Variants in CEP41 observed in about 807,000 individuals in gnomAD.
CEP41 encodes the protein centrosomal protein 41.
CEP41 carries 32 observed loss-of-function variants against 44.3 expected under a neutral mutation model. That is an observed-to-expected ratio of 0.72 (90% CI 0.54 to 0.97). CEP41 has a LOEUF of 0.97. Among genes scored for constraint, CEP41 ranks in the 50% least tolerant of loss-of-function variants. The probability of loss-of-function intolerance (pLI) is 0.00; values close to 1 mark genes in which losing one functional copy is unlikely to be tolerated. For synonymous variants in CEP41, 151 were observed against 168.5 expected (o/e 0.90, Z 0.80); for missense variants, 432 against 455.2 (o/e 0.95, Z 0.46).
chr7:130,441,360 A>G (rs1798164046), upstream of CEP41: 1 of 383,914 alleles, frequency 2.6e-6, no homozygotes, highest in Non-Finnish European at 5.0e-6. Flanking sequence ...CCATAAATAC[A>G]ACACAAGACT....
chr7:130,395,440 C>T lies in CEP41; in HGVS notation c.*3451G>A, dbSNP rs144534675. ...AAACACACATTAAAGACACTGAGAA[C>T]GTTTTAGAACTGGAGAAAGAAAGGT... On this transcript the variant is annotated 3_prime_UTR_variant, in exon 11 of 11. Transcript: ENST00000223208. The T allele has an allele frequency of 5.5e-5, 25 of 453,992 alleles. No homozygotes were observed. The highest frequency in any genetic ancestry group is 3.5e-4 in the Admixed American group (15 of 42,578). 28.1% of individuals were successfully genotyped at this position (453,992 alleles called of 1,614,324 possible).
rs369687508 is a variant in CEP41, at chr7:130,404,678, G to A, written c.308C>T (p.Ala103Val). 10 of 1,612,092 alleles carry A rather than the reference G, an allele frequency of 6.2e-6. No individual in the cohort carries two copies. Among genetic ancestry groups the A allele is most frequent in the Non-Finnish European group, 7.6e-6 (9 of 1,178,282 alleles). The change falls in exon 6 of 11, where the codon GCT (alanine) becomes GTT (valine). Residue 103 changes from alanine (A) to valine (V), a missense_variant. Physicochemically the swap from Ala to Val is moderately conservative, Grantham distance 64. Transcript: ENST00000223208. ...DNDSAASDPDAETTARTNGKG... is the reference protein window; with the variant it reads ...DNDSAASDPDVETTARTNGKG... Reference sequence around the variant, plus strand: ...CCCATTGGTCCTGGCAGTGGTTTCAGCATCAGGGTCTGAAGCTGCAGAATC... The same window carrying A: ...CCCATTGGTCCTGGCAGTGGTTTCAACATCAGGGTCTGAAGCTGCAGAATC...
chr7:130,428,338 C>T (rs530290686), intron 1 of CEP41, among the ~76,000 whole-genome samples: 13 of 146,328 alleles, frequency 8.9e-5, no homozygotes, highest in African/African-American at 3.0e-4. Context: ...GCAGGAGAAT[C>T]GCTTGATCCC....
At chr7:130,413,745 T>C (rs531279091) in intron 3 of CEP41, among the ~76,000 whole-genome samples, 1 of 152,368 alleles carries the variant, frequency 6.6e-6, no homozygotes, top group East Asian at 1.9e-4. Flanking sequence ...TTATCTATTA[T>C]CTGTTCCATA....
At chr7:130,422,353 C>G (rs1797534555) in intron 2 of CEP41, among the ~76,000 whole-genome samples, 1 of 152,176 alleles carries the variant, frequency 6.6e-6, no homozygotes, top group African/African-American at 2.4e-5. Flanking sequence ...AAACAAACCA[C>G]AGGTAGAAAC....
intron 1 of CEP41, among the ~76,000 whole-genome samples, chr7:130,435,185 GA>G (rs1390719848): frequency 4.6e-5 from 7 of 152,222 alleles, no homozygotes; most frequent in Admixed American, 1.3e-4. Context: ...CAAATGTACA[GA>G]GAAGGTTTGG....
rs1554415395 is a variant in CEP41 at position 130,397,685 on chromosome 7, C to G, written c.*1206G>C. 3 of 454,140 alleles carry G rather than the reference C, an allele frequency of 6.6e-6. No individual in the cohort carries two copies. Among genetic ancestry groups the G allele is most frequent in the South Asian group, 4.7e-5 (3 of 64,376 alleles). 28.1% of individuals were successfully genotyped at this position (454,140 alleles called of 1,614,324 possible). A position where few individuals can be genotyped will look rare whatever the true frequency, so the allele number is the denominator to read the frequency against. On this transcript the variant is annotated 3_prime_UTR_variant, in exon 11 of 11. Transcript: ENST00000223208. ...CCCTTATCACAGCTACGATCACAGACCATAAAAATTAACACCGCTCTTTTC... is the reference window on the plus strand; with the variant it reads ...CCCTTATCACAGCTACGATCACAGAGCATAAAAATTAACACCGCTCTTTTC...
At chr7:130,440,166 C>T (rs962143943) in intron 1 of CEP41, among the ~76,000 whole-genome samples, 1 of 152,072 alleles carries the variant, frequency 6.6e-6, no homozygotes, top group Admixed American at 6.6e-5. Flanking sequence ...ATTACAGGCG[C>T]CTCACCACCA....
At chr7:130,411,259 A>G in intron 4 of CEP41, 68 bp from the exon 5 acceptor site, 1 of 1,282,958 alleles carries the variant, frequency 7.8e-7, no homozygotes, top group South Asian at 1.2e-5. Context: ...TTTGTCTTTT[A>G]CAAAAGACGA....
chr7:130,419,848 C>G (rs1463970445), intron 2 of CEP41: 31 of 985,378 alleles, frequency 3.1e-5, no homozygotes, highest in Non-Finnish European at 3.7e-5. Context: ...TTTCCCTCCT[C>G]TGAGCCTCTA....
chr7:130,400,197 G>T lies in CEP41; in HGVS notation c.815C>A (p.Ala272Glu). 1 of 1,614,012 alleles carries T rather than the reference G, an allele frequency of 6.2e-7. No homozygotes were observed. Among genetic ancestry groups the T allele is most frequent in the Non-Finnish European group, 8.5e-7 (1 of 1,179,950 alleles). ...PEGLITGSLP[A>E]SCQQALPPGS... ...AGGAGGAAGGGCCTGCTGGCAAGAT[G>T]CTGGCAGGGAACCAGTAATCAGTCC... is the stretch of plus-strand genomic sequence containing the variant. The change falls in exon 10 of 11, where the codon GCA becomes GAA. Residue 272 changes from alanine to glutamate, a missense_variant. Transcript: ENST00000223208.
intron 2 of CEP41, chr7:130,419,483 G>T (rs1490749159): frequency 3.0e-6 from 3 of 984,092 alleles, no homozygotes; most frequent in South Asian, 4.7e-5. Flanking sequence ...CTTTTAAAAA[G>T]ATTGGAAATG....
At chr7:130,440,133 C>A (rs1278934471) in intron 1 of CEP41, among the ~76,000 whole-genome samples, 1 of 152,172 alleles carries the variant, frequency 6.6e-6, no homozygotes, top group African/African-American at 2.4e-5. Context: ...GATTCTCCTG[C>A]CTCAGCCTAC....
intron 2 of CEP41, among the ~76,000 whole-genome samples, chr7:130,425,500 A>G (rs1797634570): frequency 6.6e-6 from 1 of 152,234 alleles, no homozygotes; most frequent in Non-Finnish European, 1.5e-5. Flanking sequence ...TGGTGACAAC[A>G]CCAAATGCTG....
chr7:130,425,061 C>T (rs1416360950), intron 2 of CEP41, among the ~76,000 whole-genome samples: 1 of 152,088 alleles, frequency 6.6e-6, no homozygotes, highest in East Asian at 1.9e-4. Flanking sequence ...AGGTATTTCA[C>T]CAAAGAAGGT....
intron 1 of CEP41, among the ~76,000 whole-genome samples, chr7:130,439,089 C>G (rs1273681830): frequency 6.6e-6 from 1 of 152,184 alleles, no homozygotes; most frequent in Non-Finnish European, 1.5e-5. Flanking sequence ...TCTGTCACCC[C>G]TAAGGCAGCA....
chr7:130,399,956 A>G (rs1562976707), intron 10 of CEP41, 83 bp downstream of exon 10: 2 of 998,416 alleles, frequency 2.0e-6, no homozygotes, highest in Non-Finnish European at 3.2e-6. Flanking sequence ...GAATCTAAAT[A>G]TAAGAGATGA....
intron 10 of CEP41, chr7:130,399,375 G>A (rs1796772793): frequency 5.8e-6 from 2 of 347,772 alleles, no homozygotes; most frequent in East Asian, 6.6e-5. Flanking sequence ...AAAGCAGTAC[G>A]GTGAAACTAA....
rs986339569 is a variant in CEP41, at chr7:130,394,208, T to C, written c.*4683A>G. On this transcript the variant is annotated 3_prime_UTR_variant, in exon 11 of 11. Transcript: ENST00000223208. ...GAGCGGAGTGGCTGAAAGAACACCC[T>C]CTGGAGCCACAGTTCTCAGGCTGGC... 2 of 453,980 alleles carry C rather than the reference T, an allele frequency of 4.4e-6. No homozygotes were observed. Among genetic ancestry groups the C allele is most frequent in the Non-Finnish European group, 8.8e-6 (2 of 226,772 alleles). 28.1% of individuals were successfully genotyped at this position (453,980 alleles called of 1,614,324 possible). A position where few individuals can be genotyped will look rare whatever the true frequency, so the allele number is the denominator to read the frequency against.
Sources: gnomAD v4.1 joint callset for allele counts (sites outside exome capture counted in the v4.1 genomes callset) on GRCh38, gnomAD v4.1.1 for gene constraint, MANE v1.5 for transcripts, NCBI Gene and HGNC (gene_info 2026-07-23, HGNC 2026-07-21) for gene names.